Variants in NCAM2 observed in about 807,000 individuals in gnomAD.
The protein encoded by NCAM2 is N-CAM-2.
Under a neutral mutation model 98.1 loss-of-function variants are expected in NCAM2, and 30 were observed. The observed-to-expected ratio is 0.31, with a 90% CI of 0.23 to 0.41. NCAM2 has a LOEUF of 0.41. NCAM2 is among the 10% of genes least tolerant of loss of function. The probability of loss-of-function intolerance (pLI) is 1.00; values close to 1 mark genes in which losing one functional copy is unlikely to be tolerated. For synonymous variants in NCAM2, 368 were observed against 342.4 expected (o/e 1.07, Z -0.83); for missense variants, 867 against 1,005.8 (o/e 0.86, Z 1.87).
At position 21,541,008 on chromosome 21, in the gene NCAM2, TA is replaced by T. The variant is rs1280388428; in HGVS notation, c.*3052del. On this transcript the variant is annotated 3_prime_UTR_variant, in exon 18 of 18. Transcript: ENST00000400546. ...AACATTAATGTTTCTTGTTTTCTTT[TA>T]TTTTTAATATTAATAACTATAAAAG... 6.6e-6 allele frequency: 1 copy of T among 151,820 alleles called. No homozygotes were observed. Among genetic ancestry groups the T allele is most frequent in the African/African-American group, 2.4e-5 (1 of 41,426 alleles). 9.4% of individuals were successfully genotyped at this position (151,820 alleles called of 1,614,324 possible).
At chr21:21,189,155 C>A (rs2068736306) in intron 1 of NCAM2, among the ~76,000 whole-genome samples, 1 of 152,106 alleles carries the variant, frequency 6.6e-6, no homozygotes, top group African/African-American at 2.4e-5. Flanking sequence ...TGCCTTTAAT[C>A]CCATAGAAAA....
intron 1 of NCAM2, among the ~76,000 whole-genome samples, chr21:21,102,721 A>G (rs2066270609): frequency 6.6e-6 from 1 of 151,896 alleles, no homozygotes; most frequent in African/African-American, 2.4e-5. Context: ...AATATCATTA[A>G]TGTATTCTGA....
At chr21:21,370,122 A>G (rs1054963832) in intron 8 of NCAM2, among the ~76,000 whole-genome samples, 3 of 151,780 alleles carry the variant, frequency 2.0e-5, no homozygotes, top group African/African-American at 7.3e-5. Context: ...CTGACTTATC[A>G]TTTTGACTTG....
chr21:21,175,336 C>T (rs1165298261), intron 1 of NCAM2, among the ~76,000 whole-genome samples: 1 of 152,102 alleles, frequency 6.6e-6, no homozygotes, highest in East Asian at 1.9e-4. Flanking sequence ...AGATCGAGAC[C>T]ATCCTGGCCA....
chr21:21,262,658 CA>C (rs33912324), intron 1 of NCAM2, among the ~76,000 whole-genome samples: 1,376 of 78,912 alleles, frequency 0.017, 30 homozygotes, highest in African/African-American at 0.065. Flanking sequence ...AACAATCAGT[CA>C]AAAAAAAAAA....
chr21:21,361,243 A>AAC (rs1225734294), intron 8 of NCAM2, among the ~76,000 whole-genome samples: 4 of 151,808 alleles, frequency 2.6e-5, no homozygotes, highest in African/African-American at 9.6e-5. Flanking sequence ...CACACACACA[A>AAC]ACACATACAC....
At chr21:21,044,532 C>T (rs2064970619) in intron 1 of NCAM2, among the ~76,000 whole-genome samples, 1 of 152,066 alleles carries the variant, frequency 6.6e-6, no homozygotes, top group Admixed American at 6.6e-5. Flanking sequence ...AGTCTGGCTT[C>T]ATATTTAAAG....
At chr21:21,015,951 G>T (rs560265781) in intron 1 of NCAM2, among the ~76,000 whole-genome samples, 10 of 151,888 alleles carry the variant, frequency 6.6e-5, no homozygotes, top group South Asian at 2.1e-4. Context: ...CAGGTAATCC[G>T]CCCACTTCGG....
chr21:21,404,650 G>A (rs769620176), intron 9 of NCAM2, among the ~76,000 whole-genome samples: 3 of 151,758 alleles, frequency 2.0e-5, no homozygotes, highest in Non-Finnish European at 2.9e-5. Flanking sequence ...TGTATATATA[G>A]TATGTATGTG....
chr21:21,456,217 C>T (rs1015483108), intron 12 of NCAM2, among the ~76,000 whole-genome samples: 1 of 152,074 alleles, frequency 6.6e-6, no homozygotes, highest in Non-Finnish European at 1.5e-5. Flanking sequence ...AGGTTGATTT[C>T]ATAGTTTAAG....
chr21:21,081,149 A>G (rs568006143), intron 1 of NCAM2, among the ~76,000 whole-genome samples: 1 of 152,212 alleles, frequency 6.6e-6, no homozygotes, highest in African/African-American at 2.4e-5. Context: ...TGTGTTTACT[A>G]GAGTTGTACG....
chr21:21,460,238 G>T (rs1040587226), intron 12 of NCAM2, among the ~76,000 whole-genome samples: 1 of 151,758 alleles, frequency 6.6e-6, no homozygotes, highest in Non-Finnish European at 1.5e-5. Flanking sequence ...ACTACAAAGT[G>T]CTCTCTGTAC....
At chr21:21,425,056 A>AT (rs1171398917) in intron 11 of NCAM2, among the ~76,000 whole-genome samples, 1 of 150,488 alleles carries the variant, frequency 6.6e-6, no homozygotes, top group Non-Finnish European at 1.5e-5. Context: ...AAAAAAAAAA[A>AT]AAAAAAAAAA....
At position 21,411,114 on chromosome 21, in the gene NCAM2, A is replaced by ATATATATACATATATATG. The variant is rs1426488904; in HGVS notation, c.1383+661_1383+662insCATATATATGTATATATA. On this transcript the variant is annotated intron_variant, in intron 10 of 17. Coordinates refer to ENST00000400546, the MANE Select transcript of NCAM2 (RefSeq NM_004540.5). ...TGTGTATATATATACATATATATGTATATATATATACACATATATATGTAT... is the reference window on the plus strand; with the variant it reads ...TGTGTATATATATACATATATATGTATATATATACATATATATGTATATATATACACATATATATGTAT... 1.7e-3 allele frequency among the ~76,000 whole-genome samples: 6 copies of ATATATATACATATATATG among 3,534 alleles called. 1 individual carries two copies. Among genetic ancestry groups the ATATATATACATATATATG allele is most frequent in the Non-Finnish European group, 2.9e-3 (5 of 1,726 alleles). The allele number at this position is 3,534 out of a possible 152,430, so 2.3% of individuals were successfully genotyped here. A position where few individuals can be genotyped will look rare whatever the true frequency, so the allele number is the denominator to read the frequency against.
intron 8 of NCAM2, among the ~76,000 whole-genome samples, chr21:21,373,495 G>A (rs559692587): frequency 6.1e-4 from 93 of 151,912 alleles, no homozygotes; most frequent in African/African-American, 2.0e-3. Flanking sequence ...GAGAGTACAA[G>A]TAATTCAAAA....
At chr21:21,263,083 C>A (rs1468674101) in intron 1 of NCAM2, among the ~76,000 whole-genome samples, 1 of 152,086 alleles carries the variant, frequency 6.6e-6, no homozygotes, top group African/African-American at 2.4e-5. Context: ...TCTCTGACAA[C>A]ATGATCCTAT....
chr21:21,443,305 T>A (rs1443522916), intron 12 of NCAM2, among the ~76,000 whole-genome samples: 1 of 152,026 alleles, frequency 6.6e-6, no homozygotes, highest in East Asian at 1.9e-4. Context: ...GGGATAACAT[T>A]AGGAGAAATA....
chr21:21,490,427 T>C (rs1986752924), intron 15 of NCAM2, among the ~76,000 whole-genome samples: 1 of 151,988 alleles, frequency 6.6e-6, no homozygotes, highest in Admixed American at 6.6e-5. Flanking sequence ...AATTTAGATA[T>C]ATTGAAAGTT....
chr21:21,076,232 G>A (rs1380386136), intron 1 of NCAM2, among the ~76,000 whole-genome samples: 1 of 151,970 alleles, frequency 6.6e-6, no homozygotes, highest in Non-Finnish European at 1.5e-5. Flanking sequence ...TACTTTTATG[G>A]GATTTGTTTA....
Sources: allele counts gnomAD v4.1 joint callset (sites outside exome capture counted in the v4.1 genomes callset), GRCh38; gene constraint gnomAD v4.1.1; transcripts MANE v1.5; gene names NCBI Gene and HGNC (gene_info 2026-07-23, HGNC 2026-07-21).